FAM184A: variants seen among roughly 807,000 people sequenced by gnomAD.
The protein encoded by FAM184A is protein FAM184A.
Under a neutral mutation model 143.8 loss-of-function variants are expected in FAM184A, and 99 were observed. That is an observed-to-expected ratio of 0.69 (90% CI 0.58 to 0.81). The LOEUF (loss-of-function observed/expected upper bound fraction) is 0.81. Among genes scored for constraint, FAM184A ranks in the 40% least tolerant of loss-of-function variants. FAM184A has a pLI of 0.00. For missense variants in FAM184A, 1,217 were observed against 1,310.5 expected (o/e 0.93, Z 1.10); for synonymous variants, 427 against 446.4 (o/e 0.96, Z 0.55).
intron 1 of FAM184A, among the ~76,000 whole-genome samples, chr6:119,093,316 T>C (rs529061817): frequency 3.9e-5 from 6 of 152,272 alleles, no homozygotes; most frequent in African/African-American, 1.2e-4. Flanking sequence ...TACATTGTTA[T>C]CATGTCCAAG....
At chr6:119,089,716 A>G (rs1788321417) in intron 1 of FAM184A, among the ~76,000 whole-genome samples, 1 of 152,200 alleles carries the variant, frequency 6.6e-6, no homozygotes, top group East Asian at 1.9e-4. Context: ...ATGGTACACA[A>G]AATAAGCCTA....
intron 1 of FAM184A, among the ~76,000 whole-genome samples, chr6:119,065,024 C>T (rs1348857770): frequency 6.6e-6 from 1 of 152,152 alleles, no homozygotes; most frequent in East Asian, 1.9e-4. Context: ...CAGAACTCTC[C>T]CATCAATTTT....
intron 9 of FAM184A, among the ~76,000 whole-genome samples, chr6:118,995,051 C>A (rs1784504952): frequency 6.6e-6 from 1 of 152,190 alleles, no homozygotes; most frequent in African/African-American, 2.4e-5. Context: ...TAAAAAATTT[C>A]TAACTTCCTT....
chr6:118,967,500 AT>A (rs5879476), intron 14 of FAM184A, among the ~76,000 whole-genome samples: 2,136 of 152,296 alleles, frequency 0.014, 40 homozygotes, highest in African/African-American at 0.049. Context: ...CAGCCAATAC[AT>A]ACAAACTGAA....
intron 16 of FAM184A, chr6:118,963,585 TAGAG>T (rs1025346175): frequency 6.6e-6 from 1 of 152,004 alleles, no homozygotes; most frequent in Middle Eastern, 3.2e-3. Flanking sequence ...GTGTTCTTAA[TAGAG>T]AAGTTTTACG....
intron 11 of FAM184A, among the ~76,000 whole-genome samples, chr6:118,978,099 G>A (rs1332163835): frequency 3.3e-5 from 5 of 152,130 alleles, no homozygotes; most frequent in Non-Finnish European, 1.5e-5. Context: ...AAGTAGCTAG[G>A]ATTACAGGCA....
At chr6:119,051,956 C>T (rs183779904) in intron 1 of FAM184A, among the ~76,000 whole-genome samples, 1 of 152,132 alleles carries the variant, frequency 6.6e-6, no homozygotes, top group South Asian at 2.1e-4. Flanking sequence ...AGTCAGCAGC[C>T]ATTGGAGGCC....
chr6:119,144,018 C>A (rs556447076), intron 1 of FAM184A, among the ~76,000 whole-genome samples: 12 of 152,114 alleles, frequency 7.9e-5, no homozygotes, highest in Non-Finnish European at 1.5e-4. Context: ...AGAAGGCAGT[C>A]TGATAGAACA....
chr6:118,976,848 A>G (rs1313325407), intron 11 of FAM184A, among the ~76,000 whole-genome samples: 1 of 152,186 alleles, frequency 6.6e-6, no homozygotes, highest in East Asian at 1.9e-4. Flanking sequence ...AATTAAAACC[A>G]GAATGAGTTA....
intron 1 of FAM184A, among the ~76,000 whole-genome samples, chr6:119,040,364 TG>T (rs1786280568): frequency 6.6e-6 from 1 of 152,232 alleles, no homozygotes; most frequent in African/African-American, 2.4e-5. Context: ...CTTCTTCAGC[TG>T]GAGGCATCTG....
At position 118,994,602 on chromosome 6, in the gene FAM184A, C is replaced by T. The variant is rs972548912; in HGVS notation, c.2088+8297G>A. ...TTGGGAGGCTGAGGCAGGAGAATTG[C>T]TTGAACCCGGGAGGCGGAGGTTGCA... is the stretch of plus-strand genomic sequence containing the variant. On this transcript the variant is annotated intron_variant, in intron 9 of 17. Coordinates refer to ENST00000338891, the MANE Select transcript of FAM184A (RefSeq NM_024581.6). Among the ~76,000 whole-genome samples the T allele has an allele frequency of 2.0e-5, 3 of 151,814 alleles. No homozygotes were observed. The East Asian group carries it at 5.8e-4, about 29-fold the overall frequency.
upstream of FAM184A, among the ~76,000 whole-genome samples, chr6:119,083,602 G>A (rs1243463048): frequency 6.6e-6 from 1 of 152,088 alleles, no homozygotes; most frequent in Non-Finnish European, 1.5e-5. Context: ...AGATCTCTAG[G>A]GCAGGGGCAA....
At position 119,003,602 on chromosome 6, in the gene FAM184A, C is replaced by T. The variant is rs375419205; in HGVS notation, c.1836G>A (p.Arg612=). 6.2e-7 allele frequency: 1 copy of T among 1,611,876 alleles called. No homozygotes were observed. Among genetic ancestry groups the T allele is most frequent in the Non-Finnish European group, 8.5e-7 (1 of 1,178,930 alleles). Residue 612 remains arginine (R), a synonymous_variant, in exon 8 of 18, where the codon AGG becomes AGA. Coordinates refer to ENST00000338891, the MANE Select transcript of FAM184A (RefSeq NM_024581.6). ...CAGCAATTGTTTCTTCATGCTGTTG[C>T]CTTTCTTGTTCTAGCTCACCCTGAA... ...LNVEGELEQE[R]QQHEETIAAM...
intron 4 of FAM184A, 41 bp from the exon 5 acceptor site, chr6:119,016,985 T>C (rs751549447): frequency 7.3e-7 from 1 of 1,374,468 alleles, no homozygotes; most frequent in South Asian, 1.3e-5. Context: ...ACCTGCTTTT[T>C]TCATTACTGT....
At chr6:119,126,128 G>C (rs1419721034) in intron 1 of FAM184A, among the ~76,000 whole-genome samples, 1 of 152,160 alleles carries the variant, frequency 6.6e-6, no homozygotes, top group African/African-American at 2.4e-5. Context: ...TTGTTGGCAG[G>C]ATCTTGTTCC....
chr6:118,977,354 C>T (rs569951719), intron 11 of FAM184A, among the ~76,000 whole-genome samples: 3 of 152,216 alleles, frequency 2.0e-5, no homozygotes, highest in East Asian at 1.9e-4. Flanking sequence ...GGCCGAGACC[C>T]GTAGATCACT....
At chr6:119,071,677 A>G (rs1787686522) in intron 1 of FAM184A, among the ~76,000 whole-genome samples, 1 of 152,140 alleles carries the variant, frequency 6.6e-6, no homozygotes. Flanking sequence ...AAGTAATATT[A>G]GAAAGAAGGT....
intron 1 of FAM184A, among the ~76,000 whole-genome samples, chr6:119,118,184 A>G (rs1789112278): frequency 6.6e-6 from 1 of 152,212 alleles, no homozygotes; most frequent in South Asian, 2.1e-4. Flanking sequence ...TTTTATAATA[A>G]TGAAAAACTG....
chr6:119,112,540 A>G (rs755469895), intron 1 of FAM184A, among the ~76,000 whole-genome samples: 6 of 152,182 alleles, frequency 3.9e-5, no homozygotes, highest in Non-Finnish European at 5.9e-5. Flanking sequence ...TTGAAAGTTG[A>G]ATGGGTTTTA....
Sources: allele counts gnomAD v4.1 joint callset (sites outside exome capture counted in the v4.1 genomes callset), GRCh38; gene constraint gnomAD v4.1.1; transcripts MANE v1.5; gene names NCBI Gene and HGNC (gene_info 2026-07-23, HGNC 2026-07-21).